SAMD12: variants seen among roughly 807,000 people sequenced by gnomAD.
The protein encoded by SAMD12 is sterile alpha motif domain-containing protein 12.
Under a neutral mutation model 15.0 loss-of-function variants are expected in SAMD12, and 9 were observed. That is an observed-to-expected ratio of 0.60 (90% CI 0.36 to 1.05). The LOEUF is 1.05. Among genes scored for constraint, SAMD12 ranks in the 50% least tolerant of loss-of-function variants. The pLI is 0.01. For synonymous variants in SAMD12, 86 were observed against 90.1 expected (o/e 0.96, Z 0.25); for missense variants, 230 against 234.2 (o/e 0.98, Z 0.12).
chr8:118,323,198 A>C (rs1280341688), intron 4 of SAMD12, among the ~76,000 whole-genome samples: 1 of 152,210 alleles, frequency 6.6e-6, no homozygotes, highest in Non-Finnish European at 1.5e-5. Flanking sequence ...TTAAATGAGA[A>C]AGAACTAAGC....
intron 4 of SAMD12, among the ~76,000 whole-genome samples, chr8:118,235,417 A>G (rs112717291): frequency 8.2e-4 from 124 of 152,024 alleles, no homozygotes; most frequent in African/African-American, 2.8e-3. Flanking sequence ...CACCATGTTG[A>G]CCAGGATGGT....
chr8:118,186,111 T>C (rs553000177), downstream of SAMD12, among the ~76,000 whole-genome samples: 1 of 152,310 alleles, frequency 6.6e-6, no homozygotes, highest in South Asian at 2.1e-4. Flanking sequence ...CTTGCAAGAC[T>C]TCTCAGAGCC....
intron 4 of SAMD12, among the ~76,000 whole-genome samples, chr8:118,293,103 G>A (rs11778643): frequency 0.014 from 2,022 of 145,006 alleles, 21 homozygotes; most frequent in Non-Finnish European, 0.023. Flanking sequence ...TGCAAATTGG[G>A]CATTTTTTTT....
the SAMD12 span, among the ~76,000 whole-genome samples, chr8:118,164,692 A>AT: frequency 4.8e-4 from 71 of 149,312 alleles, no homozygotes; most frequent in South Asian, 1.3e-3. Flanking sequence ...GCTATAGGCA[A>AT]TTTTTTTTTT....
intron 3 of SAMD12, among the ~76,000 whole-genome samples, chr8:118,418,246 GTGGTTTA>G (rs1163663030): frequency 6.6e-6 from 1 of 152,162 alleles, no homozygotes; most frequent in Non-Finnish European, 1.5e-5. Flanking sequence ...TTCACCCTTA[GTGGTTTA>G]TGCAGCAGTC....
At chr8:118,297,392 AAG>A (rs1473322780) in intron 4 of SAMD12, among the ~76,000 whole-genome samples, 1 of 152,190 alleles carries the variant, frequency 6.6e-6, no homozygotes, top group East Asian at 1.9e-4. Flanking sequence ...ACTCAAAAAG[AAG>A]AGTTACCCAA....
chr8:118,343,744 T>A (rs1160350489), intron 4 of SAMD12, among the ~76,000 whole-genome samples: 1 of 151,728 alleles, frequency 6.6e-6, no homozygotes, highest in African/African-American at 2.4e-5. Context: ...GGCCAAGGAG[T>A]GTATTGTGTA....
intron 2 of SAMD12, among the ~76,000 whole-genome samples, chr8:118,564,423 T>C (rs1826793095): frequency 6.6e-6 from 1 of 152,280 alleles, no homozygotes; most frequent in Non-Finnish European, 1.5e-5. Flanking sequence ...GAGAGATGCA[T>C]GCCCTAGAAT....
chr8:118,280,036 A>G (rs1813575478), intron 4 of SAMD12, among the ~76,000 whole-genome samples: 1 of 152,196 alleles, frequency 6.6e-6, no homozygotes, highest in African/African-American at 2.4e-5. Flanking sequence ...CTCTCCACTT[A>G]CAAATGGGAC....
intron 2 of SAMD12, among the ~76,000 whole-genome samples, chr8:118,447,302 T>C (rs1822942919): frequency 7.2e-6 from 1 of 138,174 alleles, no homozygotes; most frequent in Admixed American, 7.0e-5. Flanking sequence ...AGTTGAAATC[T>C]TTTTTTTTTT....
rs568290965 is a variant in SAMD12, at chr8:118,264,922, G to A, written c.434-67190C>T. Among the ~76,000 whole-genome samples the A allele has an allele frequency of 5.7e-4, 87 of 152,142 alleles. 1 individual carries two copies. Among genetic ancestry groups the A allele is most frequent in the Admixed American group, 3.3e-4 (5 of 15,272 alleles). ...CTGTTGCTCCTTACATGGTGACTGC[G>A]AGTTCTCTTATCCTGCGAAGGGCAG... On this transcript the variant is annotated intron_variant, in intron 4 of 4. Transcript: ENST00000409003.
chr8:118,269,220 C>CTGTG (rs71515963), intron 4 of SAMD12, among the ~76,000 whole-genome samples: 1,952 of 122,992 alleles, frequency 0.016, 32 homozygotes, highest in South Asian at 0.025. Context: ...CTCTCTCTCT[C>CTGTG]TGTGTGTGTG....
intron 3 of SAMD12, among the ~76,000 whole-genome samples, chr8:118,406,592 G>C (rs1261162767): frequency 1.3e-5 from 2 of 152,004 alleles, no homozygotes; most frequent in Admixed American, 1.3e-4. Flanking sequence ...TTTTAAAGTG[G>C]ACAACTCAGT....
At chr8:118,165,619 TATATATATATATATATAC>T in the SAMD12 span, among the ~76,000 whole-genome samples, 1 of 59,874 alleles carries the variant, frequency 1.7e-5, no homozygotes, top group Non-Finnish European at 3.6e-5. Context: ...TATATGTATA[TATATATATATATATATAC>T]ATATATATAT....
In SAMD12 at chr8:118,576,479, C is replaced by A. The variant is rs150736330; in HGVS notation, c.192+4236G>T. 3.3e-5 allele frequency among the ~76,000 whole-genome samples: 5 copies of A among 152,290 alleles called. No homozygotes were observed. The East Asian group carries it at 9.7e-4, about 29-fold the overall frequency. On this transcript the variant is annotated intron_variant, in intron 2 of 3. Transcript: ENST00000314727. ...ACACCTGGGCATTTCTGCTGCCATACCTTGGCTCAAAGTGCTTAGACTTCA... is the reference window on the plus strand; with the variant it reads ...ACACCTGGGCATTTCTGCTGCCATAACTTGGCTCAAAGTGCTTAGACTTCA...
chr8:118,167,807 GT>G, the SAMD12 span, among the ~76,000 whole-genome samples: 1 of 152,008 alleles, frequency 6.6e-6, no homozygotes, highest in Non-Finnish European at 1.5e-5. Flanking sequence ...GTTCTCTATG[GT>G]GAGCATTCTG....
intron 3 of SAMD12, among the ~76,000 whole-genome samples, chr8:118,432,755 G>C (rs1196549463): frequency 6.6e-6 from 1 of 152,128 alleles, no homozygotes; most frequent in African/African-American, 2.4e-5. Context: ...AGAAGGTAGA[G>C]AGTATGACAT....
intron 4 of SAMD12, among the ~76,000 whole-genome samples, chr8:118,258,479 T>C (rs1813004002): frequency 6.6e-6 from 1 of 152,130 alleles, no homozygotes; most frequent in Non-Finnish European, 1.5e-5. Context: ...GTGCCTACTA[T>C]GTGCCTGGCA....
At chr8:118,284,450 C>A (rs1036992406) in intron 4 of SAMD12, 5 of 439,314 alleles carry the variant, frequency 1.1e-5, no homozygotes, top group African/African-American at 8.1e-5. Context: ...CTGATATATC[C>A]CTGTCCCCTT....
Sources: allele counts gnomAD v4.1 joint callset (sites outside exome capture counted in the v4.1 genomes callset), GRCh38; gene constraint gnomAD v4.1.1; transcripts MANE v1.5; gene names NCBI Gene and HGNC (gene_info 2026-07-23, HGNC 2026-07-21).